The following MARCO variants were observed in gnomAD, a reference collection of about 807,000 sequenced individuals.
MARCO encodes the protein macrophage receptor with collagenous structure, also known as macrophage receptor MARCO.
In MARCO, 72 loss-of-function variants were observed where a neutral mutation model predicts 70.0. That is an observed-to-expected ratio of 1.03 (90% CI 0.85 to 1.25). MARCO has a LOEUF of 1.25. MARCO is among the 50% of genes most tolerant of loss of function. The probability of loss-of-function intolerance (pLI) is 0.00; values close to 1 mark genes in which losing one functional copy is unlikely to be tolerated. For missense variants in MARCO, 696 were observed against 659.3 expected (o/e 1.06, Z -0.61); for synonymous variants, 273 against 243.1 (o/e 1.12, Z -1.14).
At chr2:118,992,599 AGG>A (rs1167435114) in intron 15 of MARCO, 123 bp downstream of exon 15, 1 of 825,098 alleles carries the variant, frequency 1.2e-6, no homozygotes, top group Non-Finnish European at 2.0e-6. Flanking sequence ...GGAGGAGTTG[AGG>A]GTCTAGTCCC....
intron 1 of MARCO, among the ~76,000 whole-genome samples, chr2:118,952,269 C>G (rs1679736941): frequency 6.6e-6 from 1 of 152,152 alleles, no homozygotes; most frequent in Admixed American, 6.5e-5. Flanking sequence ...CTTGCCTGCC[C>G]TGGGAGGTTG....
At chr2:118,968,744 A>C (rs978699870) in intron 1 of MARCO, among the ~76,000 whole-genome samples, 1 of 152,200 alleles carries the variant, frequency 6.6e-6, no homozygotes, top group Non-Finnish European at 1.5e-5. Context: ...AATTTCTCCA[A>C]GTCTCACTAC....
chr2:118,946,399 G>A (rs1307608491), intron 1 of MARCO, among the ~76,000 whole-genome samples: 3 of 152,018 alleles, frequency 2.0e-5, no homozygotes, highest in Non-Finnish European at 2.9e-5. Context: ...GCCATTTTGG[G>A]AATGTTACAT....
chr2:118,972,308 CCT>C (rs946609682), intron 4 of MARCO, among the ~76,000 whole-genome samples: 4 of 152,204 alleles, frequency 2.6e-5, no homozygotes, highest in Admixed American at 1.3e-4. Context: ...GAAATTTCCC[CCT>C]GAGGATAAAT....
chr2:118,990,928 T>TC (rs1680610454), intron 13 of MARCO, among the ~76,000 whole-genome samples: 1 of 152,136 alleles, frequency 6.6e-6, no homozygotes, highest in Non-Finnish European at 1.5e-5. Context: ...AGGCAGAGGC[T>TC]CCAGGCTCTA....
intron 12 of MARCO, among the ~76,000 whole-genome samples, chr2:118,986,654 AAGGAAGG>A (rs1223519024): frequency 9.9e-5 from 4 of 40,272 alleles, no homozygotes; most frequent in African/African-American, 4.4e-4. Flanking sequence ...AGAAAGAAAG[AAGGAAGG>A]AAGGAAGGAA....
At chr2:118,989,744 G>A (rs545154377) in intron 12 of MARCO, among the ~76,000 whole-genome samples, 10 of 152,302 alleles carry the variant, frequency 6.6e-5, no homozygotes, top group Admixed American at 5.9e-4. Flanking sequence ...CTCACTGTTG[G>A]TGTTCCCCTC....
chr2:118,957,481 ATTGT>A (rs1172401487), intron 1 of MARCO, among the ~76,000 whole-genome samples: 3 of 152,086 alleles, frequency 2.0e-5, no homozygotes, highest in Non-Finnish European at 4.4e-5. Context: ...AAGCAGCGAG[ATTGT>A]TTGGTAATTT....
At chr2:118,945,089 G>T (rs1679570512) in intron 1 of MARCO, among the ~76,000 whole-genome samples, 1 of 152,056 alleles carries the variant, frequency 6.6e-6, no homozygotes, top group Non-Finnish European at 1.5e-5. Context: ...CTTGACATAG[G>T]GTTGGCTTCT....
intron 12 of MARCO, among the ~76,000 whole-genome samples, chr2:118,984,121 C>T (rs1353271860): frequency 6.6e-6 from 1 of 152,168 alleles, no homozygotes; most frequent in Non-Finnish European, 1.5e-5. Flanking sequence ...AGCTTGGGAT[C>T]TTATTAGTAC....
chr2:118,966,681 T>C (rs190158043), intron 1 of MARCO, among the ~76,000 whole-genome samples: 67 of 152,332 alleles, frequency 4.4e-4, no homozygotes, highest in African/African-American at 1.5e-3. Flanking sequence ...GACCATATGG[T>C]TTCAAAATAT....
intron 8 of MARCO, among the ~76,000 whole-genome samples, chr2:118,978,654 C>G (rs909930072): frequency 8.5e-5 from 13 of 152,100 alleles, no homozygotes; most frequent in African/African-American, 3.1e-4. Context: ...AATACTTCAC[C>G]CTTCTGAGCT....
chr2:118,969,339 C>A (rs1306358794), intron 2 of MARCO, 78 bp downstream of exon 2: 2 of 1,109,628 alleles, frequency 1.8e-6, no homozygotes, highest in Non-Finnish European at 1.4e-6. Flanking sequence ...ATGAAGGGCT[C>A]AGGTTGAGTG....
At chr2:118,974,637 C>A in intron 6 of MARCO, 72 bp downstream of exon 6, 1 of 1,413,844 alleles carries the variant, frequency 7.1e-7, no homozygotes, top group Non-Finnish European at 9.8e-7. Context: ...GGGCTGCAGA[C>A]GCAGCCTCCC....
intron 1 of MARCO, among the ~76,000 whole-genome samples, chr2:118,945,300 C>T (rs1679574143): frequency 6.6e-6 from 1 of 152,090 alleles, no homozygotes; most frequent in South Asian, 2.1e-4. Flanking sequence ...CTTCCTGTCA[C>T]ACTCCTGGCC....
Position 118,942,387 on chromosome 2 carries a change from C to A in MARCO, c.87C>A (p.Phe29Leu). 1 of 1,611,470 alleles carries A rather than the reference C, an allele frequency of 6.2e-7. No homozygotes were observed. Among genetic ancestry groups the A allele is most frequent in the Non-Finnish European group, 8.5e-7 (1 of 1,177,818 alleles). The change falls in exon 1 of 17, where the codon TTC (phenylalanine) becomes TTA (leucine). Residue 29 changes from phenylalanine to leucine, a missense_variant. Transcript: ENST00000327097. The part of the protein sequence containing the change: ...AAFHQIAMEP[F>L]EINVPKPKRR... ...TTCACCAAATTGCAATGGAGCCTTT[C>A]GAAATCAATGGTAAAGTACGATTCC... is the stretch of plus-strand genomic sequence containing the variant.
At chr2:118,983,458 G>A (rs563299571) in intron 12 of MARCO, among the ~76,000 whole-genome samples, 8 of 152,308 alleles carry the variant, frequency 5.3e-5, no homozygotes, top group East Asian at 3.9e-4. Context: ...CATGGCAAGC[G>A]CAGTTTTACA....
At chr2:118,961,658 C>A (rs111880548) in intron 1 of MARCO, among the ~76,000 whole-genome samples, 2,535 of 152,066 alleles carry the variant, frequency 0.017, 64 homozygotes, top group African/African-American at 0.057. Flanking sequence ...TTTTCTCTCA[C>A]TCTGTAGGTT....
chr2:118,959,998 CA>C (rs1053690551), intron 1 of MARCO, among the ~76,000 whole-genome samples: 5 of 151,900 alleles, frequency 3.3e-5, no homozygotes, highest in African/African-American at 1.2e-4. Flanking sequence ...ACTACAAATA[CA>C]GGGCAATGTA....
Sources: gnomAD v4.1 joint callset for allele counts (sites outside exome capture counted in the v4.1 genomes callset) on GRCh38, gnomAD v4.1.1 for gene constraint, MANE v1.5 for transcripts, NCBI Gene and HGNC (gene_info 2026-07-23, HGNC 2026-07-21) for gene names.